The following ST8SIA1 variants were observed in gnomAD, a reference collection of about 807,000 sequenced individuals.
The protein encoded by ST8SIA1 is alpha-N-acetylneuraminide alpha-2,8-sialyltransferase.
A neutral mutation model predicts 35.9 loss-of-function variants in ST8SIA1; 16 were observed. The observed-to-expected ratio is 0.45, with a 90% CI of 0.30 to 0.68. The LOEUF (loss-of-function observed/expected upper bound fraction) is 0.68, where lower values mean the gene tolerates loss of function less well. ST8SIA1 is among the 30% of genes least tolerant of loss of function. The pLI is 0.09. For synonymous variants in ST8SIA1, 170 were observed against 169.6 expected, an observed-to-expected ratio of 1.00 and a Z score of -0.02; for missense variants, 383 against 453.6, an observed-to-expected ratio of 0.84 and a Z score of 1.41.
At chr12:22,247,118 CTCCCTCCCTCATTTCCT>C (rs2120744672) in intron 4 of ST8SIA1, among the ~76,000 whole-genome samples, 1 of 146,150 alleles carries the variant, frequency 6.8e-6, no homozygotes, top group South Asian at 2.4e-4. Context: ...GTCTCTTTCC[CTCCCTCCCTCATTTCCT>C]TCCCTCCCTC....
intron 4 of ST8SIA1, among the ~76,000 whole-genome samples, chr12:22,243,735 T>C (rs963302165): frequency 6.6e-6 from 1 of 152,198 alleles, no homozygotes; most frequent in Non-Finnish European, 1.5e-5. Flanking sequence ...ATATTTCTAT[T>C]CAAATATTTT....
chr12:22,202,588 T>C (rs1013911451), intron 4 of ST8SIA1, among the ~76,000 whole-genome samples: 1 of 152,238 alleles, frequency 6.6e-6, no homozygotes, highest in Non-Finnish European at 1.5e-5. Flanking sequence ...GAGTTGCCCA[T>C]ATTGCTTGCT....
chr12:22,269,117 G>A (rs1865882621), intron 2 of ST8SIA1, among the ~76,000 whole-genome samples: 1 of 152,124 alleles, frequency 6.6e-6, no homozygotes, highest in Admixed American at 6.5e-5. Context: ...CCAAGAGTAG[G>A]CAGTTAGAGA....
At chr12:22,300,798 T>C (rs1866309697) in intron 1 of ST8SIA1, among the ~76,000 whole-genome samples, 1 of 152,176 alleles carries the variant, frequency 6.6e-6, no homozygotes, top group Admixed American at 6.5e-5. Context: ...CTTCTCAAAA[T>C]CAAATTATAA....
At chr12:22,263,476 T>C (rs1409779756) in intron 2 of ST8SIA1, among the ~76,000 whole-genome samples, 3 of 152,238 alleles carry the variant, frequency 2.0e-5, no homozygotes, top group Non-Finnish European at 4.4e-5. Flanking sequence ...TGAAAGCGTA[T>C]TGTTTTAGAA....
intron 1 of ST8SIA1, among the ~76,000 whole-genome samples, chr12:22,303,231 T>C (rs535368158): frequency 6.6e-6 from 1 of 152,110 alleles, no homozygotes; most frequent in Non-Finnish European, 1.5e-5. Context: ...ATTAGGACAA[T>C]TTGCTGAAGC....
At chr12:22,333,595 T>C (rs894085062) in intron 1 of ST8SIA1, among the ~76,000 whole-genome samples, 1 of 152,236 alleles carries the variant, frequency 6.6e-6, no homozygotes, top group African/African-American at 2.4e-5. Context: ...CTCGGGGAGA[T>C]GCCTTTTACC....
intron 4 of ST8SIA1, among the ~76,000 whole-genome samples, chr12:22,204,933 G>C (rs1565566075): frequency 6.6e-6 from 1 of 152,142 alleles, no homozygotes; most frequent in African/African-American, 2.4e-5. Context: ...TGGTGCTCCA[G>C]TTTGTCTCTC....
intron 4 of ST8SIA1, among the ~76,000 whole-genome samples, chr12:22,214,531 AAAT>A (rs1343377519): frequency 6.6e-6 from 1 of 152,090 alleles, no homozygotes; most frequent in African/African-American, 2.4e-5. Context: ...AAAAGAAAAA[AAAT>A]AATGTTATAG....
intron 4 of ST8SIA1, among the ~76,000 whole-genome samples, chr12:22,219,048 A>T (rs963840993): frequency 6.6e-6 from 1 of 152,112 alleles, no homozygotes; most frequent in African/African-American, 2.4e-5. Flanking sequence ...TTATTTTATG[A>T]CAAAGAACTT....
At position 22,334,014 on chromosome 12, in the gene ST8SIA1, G is replaced by C. The variant is rs899006824; in HGVS notation, c.219C>G (p.Thr73=). The C allele has an allele frequency of 1.2e-6, 2 of 1,613,824 alleles. No individual in the cohort carries two copies. Among genetic ancestry groups the C allele is most frequent in the African/African-American group, 2.7e-5 (2 of 74,916 alleles). Residue 73 remains threonine, a synonymous_variant, in exon 1 of 5, where the codon ACC becomes ACG. Transcript: ENST00000396037. The part of the protein sequence containing the change: ...QQGTAWRRNQ[T]AARAFRKQME... The stretch of plus-strand genomic sequence containing the variant: ...AGGAGTACCTGAACGCTCTGGCCGC[G>C]GTCTGGTTCCTCCTCCACGCCGTGC...
At chr12:22,226,997 A>G (rs1242832495) in intron 4 of ST8SIA1, among the ~76,000 whole-genome samples, 1 of 151,882 alleles carries the variant, frequency 6.6e-6, no homozygotes, top group Non-Finnish European at 1.5e-5. Flanking sequence ...GCCAGGCTGG[A>G]GTGCAGTGGC....
intron 1 of ST8SIA1, among the ~76,000 whole-genome samples, chr12:22,291,608 A>G (rs774968110): frequency 4.6e-5 from 7 of 152,234 alleles, no homozygotes; most frequent in Non-Finnish European, 1.0e-4. Flanking sequence ...CAATGTGAGC[A>G]GCACAAACAG....
At chr12:22,237,243 C>T (rs970554619) in intron 4 of ST8SIA1, among the ~76,000 whole-genome samples, 7 of 152,014 alleles carry the variant, frequency 4.6e-5, no homozygotes, top group South Asian at 2.1e-4. Context: ...GCACTATAGA[C>T]GCCATGTCTG....
intron 1 of ST8SIA1, among the ~76,000 whole-genome samples, chr12:22,303,521 T>C (rs770917535): frequency 6.6e-6 from 1 of 152,142 alleles, no homozygotes; most frequent in Non-Finnish European, 1.5e-5. Context: ...AGTAACTGAA[T>C]CGGGGTTTGT....
chr12:22,313,671 G>A (rs1014344263), intron 1 of ST8SIA1, among the ~76,000 whole-genome samples: 7 of 152,154 alleles, frequency 4.6e-5, no homozygotes, highest in African/African-American at 1.7e-4. Flanking sequence ...ATGAATTTAT[G>A]CATAAAGCCA....
At chr12:22,285,053 A>G (rs1356482850) in intron 2 of ST8SIA1, among the ~76,000 whole-genome samples, 1 of 152,228 alleles carries the variant, frequency 6.6e-6, no homozygotes, top group Non-Finnish European at 1.5e-5. Flanking sequence ...TACATAGAAT[A>G]TCCTGTGGAT....
chr12:22,205,382 A>T (rs866457236), intron 4 of ST8SIA1, among the ~76,000 whole-genome samples: 1 of 152,226 alleles, frequency 6.6e-6, no homozygotes, highest in African/African-American at 2.4e-5. Context: ...TAAAATAGAA[A>T]TGATTAATTT....
intron 4 of ST8SIA1, among the ~76,000 whole-genome samples, chr12:22,228,635 C>T (rs1177022436): frequency 6.6e-6 from 1 of 152,200 alleles, no homozygotes; most frequent in African/African-American, 2.4e-5. Context: ...GAAAGACTCT[C>T]TAGGCAGAGG....
Sources: allele counts gnomAD v4.1 joint callset (sites outside exome capture counted in the v4.1 genomes callset), GRCh38; gene constraint gnomAD v4.1.1; transcripts MANE v1.5; gene names NCBI Gene and HGNC (gene_info 2026-07-23, HGNC 2026-07-21).